Variants in KDM4B observed in about 807,000 individuals in gnomAD.
KDM4B encodes the protein lysine-specific demethylase 4B.
KDM4B carries 32 observed loss-of-function variants against 125.2 expected under a neutral mutation model. The observed-to-expected ratio is 0.26, with a 90% confidence interval of 0.19 to 0.34. The LOEUF is 0.34. Ranked by LOEUF, KDM4B falls within the 10% of genes least tolerant of loss-of-function variation. The pLI, the probability that KDM4B is intolerant of heterozygous loss-of-function variation, is 1.00. For missense variants in KDM4B, 1,190 were observed against 1,577.7 expected (o/e 0.75, Z 4.16); for synonymous variants, 721 against 677.9 (o/e 1.06, Z -0.99).
intron 1 of KDM4B, among the ~76,000 whole-genome samples, chr19:5,001,457 T>C (rs904067191): frequency 1.8e-4 from 27 of 152,228 alleles, no homozygotes; most frequent in African/African-American, 5.8e-4. Flanking sequence ...CTTGCAGGGA[T>C]GCAGCGAAGT....
At chr19:4,976,823 TCTC>T (rs1210058642) in intron 1 of KDM4B, among the ~76,000 whole-genome samples, 3 of 152,310 alleles carry the variant, frequency 2.0e-5, no homozygotes, top group South Asian at 2.1e-4. Context: ...GTCTCACTCT[TCTC>T]CTGGCTGACA....
At chr19:4,994,153 C>T (rs904329139) in intron 1 of KDM4B, among the ~76,000 whole-genome samples, 29 of 150,986 alleles carry the variant, frequency 1.9e-4, no homozygotes, top group Non-Finnish European at 4.3e-4. Context: ...GCCACATTGC[C>T]TAAGCTGATC....
intron 1 of KDM4B, among the ~76,000 whole-genome samples, chr19:4,975,572 C>A (rs1431482052): frequency 1.3e-5 from 2 of 150,708 alleles, no homozygotes; most frequent in East Asian, 4.0e-4. Flanking sequence ...GTTGAGTGGA[C>A]ATTCCTTGTT....
At position 5,081,157 on chromosome 19, in the gene KDM4B, TTAAA is replaced by T. The variant is rs2038282109; in HGVS notation, c.781-1205_781-1202del. ...TGTGATCCCTGCGTTTTACTGGATG[TTAAA>T]TAAAGATGAGGAGCCCACTTGACTT... On this transcript the variant is annotated intron_variant, in intron 8 of 22. Coordinates refer to ENST00000159111, the MANE Select transcript of KDM4B (RefSeq NM_015015.3). This position sits in a 1 kb window ranked among gnomAD's most constrained non-coding sequence, Gnocchi z 4.2. Among the ~76,000 whole-genome samples the T allele has an allele frequency of 6.6e-6, 1 of 152,196 alleles. No homozygotes were observed. Among genetic ancestry groups the T allele is most frequent in the South Asian group, 2.1e-4 (1 of 4,832 alleles).
chr19:5,047,800 G>A (rs1396356786), intron 6 of KDM4B, 131 bp downstream of exon 6: 7 of 860,284 alleles, frequency 8.1e-6, no homozygotes, highest in Non-Finnish European at 1.3e-5. Context: ...GCCTATGACG[G>A]CTGGAGATCT....
At chr19:5,092,468 C>T (rs759188729) in intron 9 of KDM4B, among the ~76,000 whole-genome samples, 63 of 152,236 alleles carry the variant, frequency 4.1e-4, no homozygotes, top group Admixed American at 1.5e-3. Context: ...TCTAATACCC[C>T]CGGTTCTGCT....
At chr19:5,102,164 G>A (rs563565886) in intron 9 of KDM4B, among the ~76,000 whole-genome samples, 5 of 152,284 alleles carry the variant, frequency 3.3e-5, no homozygotes, top group East Asian at 1.9e-4. Context: ...CCTGGTGGCC[G>A]TCCGTCTGCT....
rs2034813896 is a variant in KDM4B at position 4,985,913 on chromosome 19, C to T, written c.-109+16683C>T. Among the ~76,000 whole-genome samples the T allele has an allele frequency of 1.3e-5, 2 of 152,228 alleles. 1 individual carries two copies. The highest frequency in any genetic ancestry group is 4.1e-4 in the South Asian group (2 of 4,836). On this transcript the variant is annotated intron_variant, in intron 1 of 22. Transcript: ENST00000159111. The stretch of plus-strand genomic sequence containing the variant: ...AGCCTCCCCGGCGCCCAGCCCTCCA[C>T]CTCTGTGTGTTCTGCACCGGCCGTC...
chr19:5,044,868 T>C (rs2036974703), intron 5 of KDM4B, among the ~76,000 whole-genome samples: 1 of 152,188 alleles, frequency 6.6e-6, no homozygotes, highest in Admixed American at 6.5e-5. Flanking sequence ...CCTTTTCCCA[T>C]TGGCCTCTTT....
intron 18 of KDM4B, 134 bp from the exon 19 acceptor site, chr19:5,143,833 C>G: frequency 4.2e-6 from 3 of 707,444 alleles, no homozygotes; most frequent in Non-Finnish European, 6.9e-6. Context: ...GGAGGGGAAC[C>G]CTCACTGGGC....
At chr19:5,054,253 A>T (rs949725012) in intron 6 of KDM4B, among the ~76,000 whole-genome samples, 6 of 152,082 alleles carry the variant, frequency 3.9e-5, no homozygotes, top group Non-Finnish European at 8.8e-5. Flanking sequence ...GCAAATTTTT[A>T]AATTTTTTGT....
At chr19:5,025,330 A>G (rs1568236344) in intron 2 of KDM4B, among the ~76,000 whole-genome samples, 1 of 152,084 alleles carries the variant, frequency 6.6e-6, no homozygotes, top group Non-Finnish European at 1.5e-5. Context: ...GCAGCTGTAG[A>G]CTCTGTGGAC....
Position 5,150,341 on chromosome 19 carries a change from G to A in KDM4B, c.3022-17G>A, listed in dbSNP as rs1363061566. ...TCCTGGCAGTGCCAGGCCCCTGAGA[G>A]CCACATCCCCCTGCAGGTGGAGTTT... On this transcript the variant is annotated splice_polypyrimidine_tract_variant and intron_variant, in intron 21 of 22. Coordinates refer to ENST00000159111, the MANE Select transcript of KDM4B (RefSeq NM_015015.3). 1.3e-6 allele frequency: 2 copies of A among 1,548,298 alleles called. No homozygotes were observed. The highest frequency in any genetic ancestry group is 1.4e-5 in the African/African-American group (1 of 73,120).
At chr19:5,015,672 A>G (rs1449780951) in intron 1 of KDM4B, among the ~76,000 whole-genome samples, 2 of 152,192 alleles carry the variant, frequency 1.3e-5, no homozygotes, top group Admixed American at 1.3e-4. Context: ...CGCTATAGTG[A>G]GACCCTGTCT....
rs2039219290 is a variant in KDM4B, at chr19:5,114,574, C to T, written c.1115+3756C>T. ...AGCCTCAGGGACTCACTTGCTGTCT[C>T]CTGTCTCTTTCCTAGAGCTGCCCTT... On this transcript the variant is annotated intron_variant, in intron 10 of 22. Coordinates refer to ENST00000159111, the MANE Select transcript of KDM4B (RefSeq NM_015015.3). This position sits in a 1 kb window ranked among gnomAD's most constrained non-coding sequence, Gnocchi z 5.8. The T allele has an allele frequency of 3.0e-6, 1 of 337,034 alleles. No homozygotes were observed. The highest frequency in any genetic ancestry group is 4.2e-5 in the Admixed American group (1 of 24,014). The allele number at this position is 337,034 out of a possible 1,614,324, so 20.9% of individuals were successfully genotyped here.
intron 11 of KDM4B, among the ~76,000 whole-genome samples, chr19:5,128,787 T>A (rs1447950846): frequency 4.8e-5 from 7 of 146,808 alleles, no homozygotes; most frequent in Non-Finnish European, 7.5e-5. Context: ...CGCCAGCCTG[T>A]CTGCTGTGTC....
chr19:5,146,244 C>CG lies in KDM4B; in HGVS notation c.3021+1343dup, dbSNP rs1009717630. 2.4e-4 allele frequency among the ~76,000 whole-genome samples: 36 copies of CG among 151,140 alleles called. 1 individual carries two copies. The highest frequency in any genetic ancestry group is 7.8e-4 in the African/African-American group (32 of 41,176). On this transcript the variant is annotated intron_variant, in intron 21 of 22. Coordinates refer to ENST00000159111, the MANE Select transcript of KDM4B (RefSeq NM_015015.3). ...GTCACTGAGCATCCAGGACCCCCCC[C>CG]GCTCCGCCGTGCAGGCCGGCCCCGC...
At chr19:5,119,303 C>A in intron 10 of KDM4B, 2 of 990,006 alleles carry the variant, frequency 2.0e-6, no homozygotes, top group Non-Finnish European at 3.0e-6. Context: ...CCCTGTGTCT[C>A]TGTCCCGTGG....
At position 5,136,714 on chromosome 19, in the gene KDM4B, C is replaced by G. The variant is rs543553711; in HGVS notation, c.2309-548C>G. ...GCCCCCAGCCTCTTCAGTGGGCCAT[C>G]AGCACTGGCAGAGAGCCCCTTCCAC... is the stretch of plus-strand genomic sequence containing the variant. On this transcript the variant is annotated intron_variant, in intron 15 of 22. Coordinates refer to ENST00000159111, the MANE Select transcript of KDM4B (RefSeq NM_015015.3). Among the ~76,000 whole-genome samples, 9 of 152,288 alleles carry G rather than the reference C, an allele frequency of 5.9e-5. No individual in the cohort carries two copies. The South Asian group carries it at 1.5e-3, about 25-fold the overall frequency.
Sources: allele counts gnomAD v4.1 joint callset (sites outside exome capture counted in the v4.1 genomes callset), GRCh38; gene constraint gnomAD v4.1.1; non-coding constraint Gnocchi (gnomAD v3.1); transcripts MANE v1.5; gene names NCBI Gene and HGNC (gene_info 2026-07-23, HGNC 2026-07-21).